Variants in RHOA observed in about 807,000 individuals in gnomAD.
RHOA encodes ras homolog family member A, also known as transforming protein RhoA.
A neutral mutation model predicts 17.5 loss-of-function variants in RHOA; 3 were observed. The observed-to-expected ratio is 0.17, with a 90% CI of 0.08 to 0.44. The LOEUF is 0.44. Among genes scored for constraint, RHOA ranks in the 20% least tolerant of loss-of-function variants. RHOA has a pLI of 0.99. For synonymous variants in RHOA, 98 were observed against 88.4 expected (o/e 1.11, Z -0.61); for missense variants, 56 against 242.3 (o/e 0.23, Z 5.10).
At chr3:49,371,941 C>T (rs2048153049) in intron 2 of RHOA, among the ~76,000 whole-genome samples, 2 of 152,136 alleles carry the variant, frequency 1.3e-5, no homozygotes. Flanking sequence ...TGGAAAAGAC[C>T]CTTCCAGTTC....
Position 49,394,786 on chromosome 3 carries a change from A to G in RHOA, c.-3+17034T>C, listed in dbSNP as rs561589395. ...AGCTTATCTTCTCTGGTATGAACTC[A>G]GAGAAAAGGCAAGTGATTCTGCCAG... On this transcript the variant is annotated intron_variant, in intron 1 of 4. Coordinates refer to ENST00000418115, the MANE Select transcript of RHOA (RefSeq NM_001664.4). 5.9e-5 allele frequency among the ~76,000 whole-genome samples: 9 copies of G among 152,332 alleles called. No homozygotes were observed. The South Asian group carries it at 1.9e-3, about 32-fold the overall frequency.
At chr3:49,401,969 G>C (rs1236033913) in intron 1 of RHOA, among the ~76,000 whole-genome samples, 2 of 152,164 alleles carry the variant, frequency 1.3e-5, no homozygotes, top group Admixed American at 1.3e-4. Context: ...TTTCCTTTCT[G>C]TAGCAGTAAG....
rs191674426 is a variant in RHOA at position 49,383,890 on chromosome 3, C to T, written c.-2-8299G>A. 4.6e-5 allele frequency among the ~76,000 whole-genome samples: 7 copies of T among 152,164 alleles called. No homozygotes were observed. The East Asian group carries it at 1.2e-3, about 25-fold the overall frequency. ...ACTGAAAATACAAAAATTAGCCGGG[C>T]ATGGTGGCATCTGCCTGTAATCCCA... On this transcript the variant is annotated intron_variant, in intron 1 of 4. Transcript: ENST00000418115.
rs571022950 is a variant in RHOA at position 49,377,073 on chromosome 3, A to G, written c.-2-1482T>C. On this transcript the variant is annotated intron_variant, in intron 1 of 4. Transcript: ENST00000418115. ...AACCCGGGAGGCAGAGGTTGTGGTG[A>G]GCCGAGATCATGCCATTGCACTCCA... is the stretch of plus-strand genomic sequence containing the variant. 2.5e-4 allele frequency among the ~76,000 whole-genome samples: 38 copies of G among 152,310 alleles called. No homozygotes were observed. The South Asian group carries it at 7.5e-3, about 30-fold the overall frequency.
At chr3:49,391,753 C>T (rs1467482505) in intron 1 of RHOA, among the ~76,000 whole-genome samples, 5 of 151,940 alleles carry the variant, frequency 3.3e-5, no homozygotes, top group Admixed American at 6.6e-5. Context: ...TCAGGTGATC[C>T]GCCCACCTCA....
chr3:49,393,666 A>G (rs2048552499), intron 1 of RHOA, among the ~76,000 whole-genome samples: 1 of 276 alleles, frequency 3.6e-3, no homozygotes, highest in African/African-American at 5.2e-3. Context: ...CCTTGTCTCA[A>G]ATTCTCTCTC....
Position 49,359,531 on chromosome 3 carries a change from T to C in RHOA, c.*678A>G, listed in dbSNP as rs2047923733. The C allele has an allele frequency of 5.0e-6, 1 of 201,030 alleles. No individual in the cohort carries two copies. The highest frequency in any genetic ancestry group is 1.0e-5 in the Non-Finnish European group (1 of 97,532). The allele number at this position is 201,030 out of a possible 1,614,324, so 12.5% of individuals were successfully genotyped here. Reference sequence around the variant, plus strand: ...ATCTGACTTTATTTCCAAATACACTTTCTTTTTTAAAAAACCAATACACTT... The same window carrying C: ...ATCTGACTTTATTTCCAAATACACTCTCTTTTTTAAAAAACCAATACACTT... On this transcript the variant is annotated 3_prime_UTR_variant, in exon 5 of 5. Coordinates refer to ENST00000418115, the MANE Select transcript of RHOA (RefSeq NM_001664.4).
At chr3:49,386,930 T>C (rs944159622) in intron 1 of RHOA, among the ~76,000 whole-genome samples, 2 of 148,428 alleles carry the variant, frequency 1.3e-5, no homozygotes, top group South Asian at 2.1e-4. Flanking sequence ...CTGGCCAACA[T>C]GGCAAAATCC....
In RHOA at chr3:49,398,191, T is replaced by C. The variant is rs1026860405; in HGVS notation, c.-3+13629A>G. On this transcript the variant is annotated intron_variant, in intron 1 of 4. Transcript: ENST00000418115. ...CCCCGGCCAACACGGTGAAACCCCA[T>C]CTCTACTAAAGTAGCCAAGTGTGGT... is the stretch of plus-strand genomic sequence containing the variant. Among the ~76,000 whole-genome samples, 5 of 136,744 alleles carry C rather than the reference T, an allele frequency of 3.7e-5. No individual in the cohort carries two copies. In the East Asian group the frequency reaches 5.9e-4, roughly 16 times the overall value. 89.7% of individuals were successfully genotyped at this position (136,744 alleles called of 152,430 possible).
intron 1 of RHOA, among the ~76,000 whole-genome samples, chr3:49,385,680 A>T (rs1268928648): frequency 6.6e-6 from 1 of 151,154 alleles, no homozygotes; most frequent in Non-Finnish European, 1.5e-5. Context: ...TCAAGGTCGT[A>T]AAAAAAATAT....
rs370962809 is a variant in RHOA at position 49,405,846 on chromosome 3, G to A, written c.-3+5974C>T. On this transcript the variant is annotated intron_variant, in intron 1 of 4. Coordinates refer to ENST00000418115, the MANE Select transcript of RHOA (RefSeq NM_001664.4). Reference sequence around the variant, plus strand: ...ATTACAGGCACTCACTAATACACTCGGCTGATTTTTGTATTTTTAGTAGAG... The same window carrying A: ...ATTACAGGCACTCACTAATACACTCAGCTGATTTTTGTATTTTTAGTAGAG... 1.1e-3 allele frequency among the ~76,000 whole-genome samples: 173 copies of A among 152,068 alleles called. 7 individuals carry two copies. In the South Asian group the frequency reaches 0.035, roughly 31 times the overall value.
At chr3:49,407,391 G>A (rs772930169) in intron 1 of RHOA, among the ~76,000 whole-genome samples, 9 of 151,744 alleles carry the variant, frequency 5.9e-5, no homozygotes, top group African/African-American at 1.5e-4. Flanking sequence ...CTGCTGCCAC[G>A]CCCAGCTAAT....
At chr3:49,405,520 G>A (rs532386454) in intron 1 of RHOA, among the ~76,000 whole-genome samples, 3 of 152,204 alleles carry the variant, frequency 2.0e-5, no homozygotes, top group South Asian at 2.1e-4. Context: ...ATCTCATGGC[G>A]CTTCCTTACC....
chr3:49,366,621 A>G (rs563844512), intron 3 of RHOA: 2 of 152,266 alleles, frequency 1.3e-5, no homozygotes, highest in Admixed American at 1.3e-4. Context: ...TCAATCAATC[A>G]TAACTGCTGA....
intron 3 of RHOA, among the ~76,000 whole-genome samples, chr3:49,365,453 G>A (rs961310873): frequency 1.9e-4 from 29 of 151,748 alleles, no homozygotes; most frequent in African/African-American, 6.8e-4. Flanking sequence ...TAGAATAGAT[G>A]TTCTGTTAGT....
At chr3:49,399,254 C>A (rs2048677486) in intron 1 of RHOA, among the ~76,000 whole-genome samples, 1 of 149,680 alleles carries the variant, frequency 6.7e-6, no homozygotes, top group South Asian at 2.1e-4. Context: ...CCTGTAGTCC[C>A]AGCTACTCGG....
At chr3:49,391,428 C>T (rs2048505207) in intron 1 of RHOA, among the ~76,000 whole-genome samples, 1 of 151,796 alleles carries the variant, frequency 6.6e-6, no homozygotes, top group Non-Finnish European at 1.5e-5. Context: ...CATACTTAGG[C>T]AGCAGAGTCA....
intron 1 of RHOA, among the ~76,000 whole-genome samples, chr3:49,376,776 T>C (rs544671512): frequency 3.4e-4 from 52 of 152,202 alleles, no homozygotes; most frequent in Non-Finnish European, 4.9e-4. Context: ...GTAGACATTC[T>C]GCAATCTTTC....
chr3:49,373,913 A>G, intron 2 of RHOA, among the ~76,000 whole-genome samples: 1 of 151,956 alleles, frequency 6.6e-6, no homozygotes, highest in East Asian at 1.9e-4. Context: ...CAAAATTAAA[A>G]CCCAAAAAAA....
Sources: gnomAD v4.1 joint callset for allele counts (sites outside exome capture counted in the v4.1 genomes callset) on GRCh38, gnomAD v4.1.1 for gene constraint, MANE v1.5 for transcripts, NCBI Gene and HGNC (gene_info 2026-07-23, HGNC 2026-07-21) for gene names.